The following THAP12 variants were observed in gnomAD, a reference collection of about 807,000 sequenced individuals.
THAP12 encodes the protein THAP domain containing 12.
A neutral mutation model predicts 63.0 loss-of-function variants in THAP12; 20 were observed. The ratio of observed to expected loss-of-function variants is 0.32; its 90% confidence interval spans 0.22 to 0.46. The LOEUF (loss-of-function observed/expected upper bound fraction) is 0.46, where lower values mean the gene tolerates loss of function less well. Ranked by LOEUF, THAP12 falls within the 20% of genes least tolerant of loss-of-function variation. The pLI, the probability that THAP12 is intolerant of heterozygous loss-of-function variation, is 1.00. For synonymous variants in THAP12, 264 were observed against 328.4 expected (o/e 0.80, Z 2.12); for missense variants, 568 against 908.2 (o/e 0.63, Z 4.81).
In THAP12 at chr11:76,352,361, G is replaced by A. The variant is rs372078897; in HGVS notation, c.789C>T (p.Ile263=). 7 of 1,611,878 alleles carry A rather than the reference G, an allele frequency of 4.3e-6. No individual in the cohort carries two copies. In the African/African-American group the frequency reaches 9.4e-5, roughly 22 times the overall value. Residue 263 remains isoleucine, a synonymous_variant, in exon 5 of 5, where the codon ATC becomes ATT. Coordinates refer to ENST00000260045, the MANE Select transcript of THAP12 (RefSeq NM_004705.4). ...CTGCTATGTCCACTACATCGTCAGT[G>A]ATAATGGAAAAGAAGTGTGAGTCTC... is the stretch of plus-strand genomic sequence containing the variant. ...EVRDSHFFSI[I]TDDVVDIAGE...
chr11:76,352,841 T>C (rs1288078277), intron 4 of THAP12, 47 bp from the exon 5 acceptor site: 5 of 1,494,008 alleles, frequency 3.3e-6, no homozygotes, highest in Admixed American at 2.5e-5. Context: ...TGAAAAACCA[T>C]ACACAACAAA....
At chr11:76,353,974 A>G (rs955338177) in intron 4 of THAP12, among the ~76,000 whole-genome samples, 1 of 152,238 alleles carries the variant, frequency 6.6e-6, no homozygotes, top group African/African-American at 2.4e-5. Context: ...GTGCCACTGC[A>G]CTCCAGCCTG....
chr11:76,368,449 T>C (rs1203764248), intron 1 of THAP12: 3 of 152,124 alleles, frequency 2.0e-5, no homozygotes, highest in Non-Finnish European at 2.9e-5. Context: ...AAATGACAAA[T>C]TATTCTAAAA....
intron 2 of THAP12, among the ~76,000 whole-genome samples, chr11:76,361,757 A>T (rs1309374635): frequency 6.6e-6 from 1 of 152,194 alleles, no homozygotes; most frequent in Non-Finnish European, 1.5e-5. Context: ...TTTTTAGTTA[A>T]CACTGTCTTA....
intron 1 of THAP12, among the ~76,000 whole-genome samples, chr11:76,379,290 G>C (rs1277355733): frequency 6.6e-6 from 1 of 152,098 alleles, no homozygotes; most frequent in African/African-American, 2.4e-5. Context: ...CTTTTAACTG[G>C]TCTTCCGGCT....
chr11:76,380,844 C>G lies in THAP12; in HGVS notation c.-8G>C. The G allele has an allele frequency of 7.0e-7, 1 of 1,424,312 alleles. No individual in the cohort carries two copies. The highest frequency in any genetic ancestry group is 9.3e-7 in the Non-Finnish European group (1 of 1,077,776). The allele number at this position is 1,424,312 out of a possible 1,614,324, so 88.2% of individuals were successfully genotyped here. A position where few individuals can be genotyped will look rare whatever the true frequency, so the allele number is the denominator to read the frequency against. On this transcript the variant is annotated 5_prime_UTR_variant, in exon 1 of 5. Transcript: ENST00000260045. ...AGCGCAGAAGTTCGGCATCGTCGCC[C>G]GCCCGCCGGCCGGCCCAGCCCTCCC...
intron 3 of THAP12, chr11:76,358,243 C>T (rs185755071): frequency 6.6e-6 from 1 of 150,678 alleles, no homozygotes; most frequent in East Asian, 1.9e-4. Flanking sequence ...CCAATAGAAC[C>T]TTGATATTAT....
chr11:76,357,911 G>C (rs1946572026), intron 3 of THAP12: 1 of 151,850 alleles, frequency 6.6e-6, no homozygotes, highest in African/African-American at 2.4e-5. Flanking sequence ...CAAGAAGCTA[G>C]AAAAAGAGTC....
Position 76,380,911 on chromosome 11 carries a change from G to T in THAP12, c.-75C>A, listed in dbSNP as rs888675029. The T allele has an allele frequency of 1.8e-5, 18 of 997,310 alleles. No homozygotes were observed. Among genetic ancestry groups the T allele is most frequent in the Non-Finnish European group, 2.2e-5 (17 of 779,536 alleles). The allele number at this position is 997,310 out of a possible 1,614,324, so 61.8% of individuals were successfully genotyped here. A position where few individuals can be genotyped will look rare whatever the true frequency, so the allele number is the denominator to read the frequency against. ...GGCAGTCCGCCCGCCCGTCGGGGCC[G>T]GGGAGGGGAGCCAGGCCGGCCGGCC... On this transcript the variant is annotated 5_prime_UTR_variant, in exon 1 of 5. Coordinates refer to ENST00000260045, the MANE Select transcript of THAP12 (RefSeq NM_004705.4).
intron 4 of THAP12, 118 bp from the exon 5 acceptor site, chr11:76,352,912 G>A (rs1394468523): frequency 2.4e-6 from 3 of 1,229,908 alleles, no homozygotes; most frequent in Non-Finnish European, 1.1e-6. Flanking sequence ...AATATTCATA[G>A]GGTATTTACT....
At chr11:76,367,285 A>G (rs912507610) in intron 1 of THAP12, among the ~76,000 whole-genome samples, 1 of 152,218 alleles carries the variant, frequency 6.6e-6, no homozygotes, top group Non-Finnish European at 1.5e-5. Flanking sequence ...CATGTTGGTC[A>G]GGCTGGTCTC....
At chr11:76,372,938 T>C (rs1946684577) in intron 1 of THAP12, among the ~76,000 whole-genome samples, 1 of 152,020 alleles carries the variant, frequency 6.6e-6, no homozygotes, top group African/African-American at 2.4e-5. Context: ...ATACCTATTT[T>C]ATCCTGTCCT....
At chr11:76,366,985 T>C (rs551318823) in intron 1 of THAP12, among the ~76,000 whole-genome samples, 1 of 152,250 alleles carries the variant, frequency 6.6e-6, no homozygotes, top group East Asian at 1.9e-4. Context: ...CAAAGATGGG[T>C]ACTATTAATA....
At chr11:76,369,800 G>A (rs1014522374) in intron 1 of THAP12, among the ~76,000 whole-genome samples, 20 of 152,388 alleles carry the variant, frequency 1.3e-4, no homozygotes, top group African/African-American at 4.8e-4. Context: ...CACCACTGGG[G>A]AAAAACGGGC....
intron 1 of THAP12, among the ~76,000 whole-genome samples, chr11:76,372,181 C>T (rs1020586061): frequency 5.3e-5 from 8 of 151,864 alleles, no homozygotes; most frequent in Non-Finnish European, 8.8e-5. Context: ...CTCAAACTCC[C>T]GGGCTCAAGC....
intron 1 of THAP12, among the ~76,000 whole-genome samples, chr11:76,367,424 T>C (rs760737685): frequency 4.7e-5 from 7 of 150,450 alleles, no homozygotes; most frequent in Non-Finnish European, 1.0e-4. Context: ...ATAAACAGTA[T>C]CACAAATTAT....
chr11:76,375,747 TGG>T (rs142075711), intron 1 of THAP12, among the ~76,000 whole-genome samples: 39 of 85,478 alleles, frequency 4.6e-4, no homozygotes, highest in African/African-American at 1.5e-3. Context: ...GAAGAAAAGG[TGG>T]GGGGGGGGTG....
chr11:76,351,730 C>G lies in THAP12; in HGVS notation c.1420G>C (p.Val474Leu). The G allele has an allele frequency of 6.2e-7, 1 of 1,611,164 alleles. No individual in the cohort carries two copies. The highest frequency in any genetic ancestry group is 8.5e-7 in the Non-Finnish European group (1 of 1,178,638). ...AGRAFVLCSA[V>L]SDFDFIVTIV... ...GTAACAATGAAATCAAAATCTGACA[C>G]TGCACTGCAGAGTACAAATGCTCGG... Residue 474 changes from valine (V) to leucine (L), a missense_variant, in exon 5 of 5, where the codon GTG (valine) becomes CTG (leucine). By Grantham distance (32) the Val-to-Leu change is conservative (BLOSUM62 1). Transcript: ENST00000260045.
intron 2 of THAP12, among the ~76,000 whole-genome samples, chr11:76,365,531 AC>A (rs900854483): frequency 3.9e-4 from 59 of 152,056 alleles, no homozygotes; most frequent in African/African-American, 1.4e-3. Context: ...CTACAGGCAT[AC>A]GTCACCACAC....
Sources: allele counts gnomAD v4.1 joint callset (sites outside exome capture counted in the v4.1 genomes callset), GRCh38; gene constraint gnomAD v4.1.1; transcripts MANE v1.5; gene names NCBI Gene and HGNC (gene_info 2026-07-23, HGNC 2026-07-21).